STN1: variants seen among roughly 807,000 people sequenced by gnomAD.
STN1 encodes the protein STN1 subunit of CST complex, also known as CST complex subunit STN1.
STN1 carries 29 observed loss-of-function variants against 45.5 expected under a neutral mutation model. The ratio of observed to expected loss-of-function variants is 0.64; its 90% CI spans 0.47 to 0.87. STN1 has a LOEUF of 0.87. STN1 is among the 40% of genes least tolerant of loss of function. The pLI is 0.00. For synonymous variants in STN1, 148 were observed against 159.0 expected (o/e 0.93, Z 0.52); for missense variants, 376 against 441.4 (o/e 0.85, Z 1.33).
intron 7 of STN1, among the ~76,000 whole-genome samples, chr10:103,895,676 T>G (rs1009761247): frequency 6.6e-6 from 1 of 152,130 alleles, no homozygotes; most frequent in Non-Finnish European, 1.5e-5. Flanking sequence ...CCAGAAGAGA[T>G]AATTAGGAGC....
intron 9 of STN1, among the ~76,000 whole-genome samples, chr10:103,883,415 A>C (rs1257739452): frequency 6.7e-6 from 1 of 150,192 alleles, no homozygotes; most frequent in Non-Finnish European, 1.5e-5. Flanking sequence ...CCAAACTAAG[A>C]CCATCTAGTA....
Position 103,897,717 on chromosome 10 carries a change from T to C in STN1, c.584A>G (p.Asn195Ser), listed in dbSNP as rs1228731857. Residue 195 changes from asparagine to serine, a missense_variant and splice_region_variant, in exon 7 of 10, where the codon AAT (asparagine) becomes AGT (serine). Transcript: ENST00000224950. The stretch of plus-strand genomic sequence containing the variant: ...ACTGGGGAGGTCCAGGGCGCCTGGA[T>C]TGCTGCGGAGGGAAAGTTTTAAAGA... ...SALEKEEALS[N>S]PGALDLPSLT... 1.2e-6 allele frequency: 2 copies of C among 1,614,066 alleles called. No homozygotes were observed. The highest frequency in any genetic ancestry group is 1.3e-5 in the African/African-American group (1 of 75,036).
intron 8 of STN1, among the ~76,000 whole-genome samples, chr10:103,891,490 G>A (rs2134360535): frequency 6.6e-6 from 1 of 152,300 alleles, no homozygotes; most frequent in South Asian, 2.1e-4. Flanking sequence ...TCTCTAGTAG[G>A]TGAAGGTCAG....
chr10:103,900,578 A>T (rs1322791333), intron 4 of STN1, among the ~76,000 whole-genome samples: 1 of 152,162 alleles, frequency 6.6e-6, no homozygotes, highest in Non-Finnish European at 1.5e-5. Context: ...TGGGCGTGGC[A>T]GCAATAGCTT....
At position 103,883,571 on chromosome 10, in the gene STN1, C is replaced by T. The variant is rs147227334; in HGVS notation, c.950-730G>A. Among the ~76,000 whole-genome samples, 27 of 152,184 alleles carry T rather than the reference C, an allele frequency of 1.8e-4. No homozygotes were observed. The East Asian group carries it at 2.5e-3, about 14-fold the overall frequency. On this transcript the variant is annotated intron_variant, in intron 9 of 9. Coordinates refer to ENST00000224950, the MANE Select transcript of STN1 (RefSeq NM_024928.5). ...GGCCCAGAGAGACACGACCATGAAA[C>T]GGAAATCACGCCCTACTCCTACATA...
At position 103,889,055 on chromosome 10, in the gene STN1, T is replaced by G; in HGVS notation, c.949+17A>C. ...TTCCAGGGCACCAGGGCATCACTTG[T>G]ACATTATACCACTTACGATTTGGTT... On this transcript the variant is annotated intron_variant, in intron 9 of 9. Coordinates refer to ENST00000224950, the MANE Select transcript of STN1 (RefSeq NM_024928.5). 1.3e-6 allele frequency: 2 copies of G among 1,582,506 alleles called. No individual in the cohort carries two copies. Among genetic ancestry groups the G allele is most frequent in the Non-Finnish European group, 1.7e-6 (2 of 1,151,146 alleles).
In STN1 at chr10:103,899,832, T is replaced by A. The variant is rs1363997182; in HGVS notation, c.457+230A>T. 4 of 467,988 alleles carry A rather than the reference T, an allele frequency of 8.5e-6. No homozygotes were observed. In the South Asian group the frequency reaches 1.4e-4, roughly 16 times the overall value. 29.0% of individuals were successfully genotyped at this position (467,988 alleles called of 1,614,324 possible). A position where few individuals can be genotyped will look rare whatever the true frequency, so the allele number is the denominator to read the frequency against. On this transcript the variant is annotated intron_variant, in intron 5 of 9. Transcript: ENST00000224950. The stretch of plus-strand genomic sequence containing the variant: ...CATCCAAATAAACTTGCCAACCATA[T>A]ATAAAGTAAATAATTCATTTTCTTT...
chr10:103,890,186 G>A (rs1365913573), intron 8 of STN1, among the ~76,000 whole-genome samples: 1 of 152,310 alleles, frequency 6.6e-6, no homozygotes, highest in East Asian at 1.9e-4. Context: ...ATAGCTGTAA[G>A]TTTCCTCCTT....
At chr10:103,908,470 A>C (rs1440226819) in intron 3 of STN1, among the ~76,000 whole-genome samples, 1 of 152,210 alleles carries the variant, frequency 6.6e-6, no homozygotes. Context: ...CACCCCCAGC[A>C]CAGGCCTGCG....
At position 103,882,498 on chromosome 10, in the gene STN1, C is replaced by T. The variant is rs1843075628; in HGVS notation, c.*186G>A. Reference sequence around the variant, plus strand: ...GATCAAAGTCATTGTACACCAAGGACATAGTGGACAGAAGGGAGCCAACAA... The same window carrying T: ...GATCAAAGTCATTGTACACCAAGGATATAGTGGACAGAAGGGAGCCAACAA... On this transcript the variant is annotated 3_prime_UTR_variant, in exon 10 of 10. Transcript: ENST00000224950. 7 of 567,136 alleles carry T rather than the reference C, an allele frequency of 1.2e-5. No homozygotes were observed. The South Asian group carries it at 1.8e-4, about 14-fold the overall frequency. The allele number at this position is 567,136 out of a possible 1,614,324, so 35.1% of individuals were successfully genotyped here.
chr10:103,897,750 AG>A (rs761030509), intron 6 of STN1, 31 bp from the exon 7 acceptor site: 1 of 1,607,692 alleles, frequency 6.2e-7, no homozygotes, highest in African/African-American at 1.3e-5. Flanking sequence ...AGAGCTCTGC[AG>A]AAAACCATCA....
rs1843341295 is a variant in STN1 at position 103,917,450 on chromosome 10, C to T, written c.133+12G>A. On this transcript the variant is annotated intron_variant, in intron 2 of 9. Transcript: ENST00000224950. ...TGCAGCCCAGGGCATCCCAGGGTGG[C>T]TAGCCACATACCTGGCACCTGGCGG... 2.5e-6 allele frequency: 4 copies of T among 1,611,306 alleles called. No homozygotes were observed. Among genetic ancestry groups the T allele is most frequent in the African/African-American group, 2.7e-5 (2 of 74,874 alleles).
Position 103,882,578 on chromosome 10 carries a change from G to A in STN1, c.*106C>T. The A allele has an allele frequency of 3.4e-6, 4 of 1,171,620 alleles. No homozygotes were observed. Among genetic ancestry groups the A allele is most frequent in the Admixed American group, 2.5e-5 (1 of 40,014 alleles). 72.6% of individuals were successfully genotyped at this position (1,171,620 alleles called of 1,614,324 possible). On this transcript the variant is annotated 3_prime_UTR_variant, in exon 10 of 10. Transcript: ENST00000224950. Reference sequence around the variant, plus strand: ...ACTATATTTTATAGTTTATTATGAGGTAACTGCCTCCAGACAGATAAGCCC... The same window carrying A: ...ACTATATTTTATAGTTTATTATGAGATAACTGCCTCCAGACAGATAAGCCC...
chr10:103,890,243 C>T (rs1375418799), intron 8 of STN1, among the ~76,000 whole-genome samples: 1 of 152,174 alleles, frequency 6.6e-6, no homozygotes, highest in Non-Finnish European at 1.5e-5. Context: ...CTGGAGGGGG[C>T]ATCTTGAGAA....
chr10:103,899,502 C>T (rs1843192797), intron 5 of STN1, among the ~76,000 whole-genome samples: 1 of 152,130 alleles, frequency 6.6e-6, no homozygotes, highest in Non-Finnish European at 1.5e-5. Flanking sequence ...TGAGACCAGC[C>T]TGGACAACAT....
chr10:103,917,444 G>C lies in STN1; in HGVS notation c.133+18C>G. 1 of 1,610,286 alleles carries C rather than the reference G, an allele frequency of 6.2e-7. No homozygotes were observed. The highest frequency in any genetic ancestry group is 8.5e-7 in the Non-Finnish European group (1 of 1,177,978). On this transcript the variant is annotated intron_variant, in intron 2 of 9. Coordinates refer to ENST00000224950, the MANE Select transcript of STN1 (RefSeq NM_024928.5). ...GGCAGATGCAGCCCAGGGCATCCCA[G>C]GGTGGCTAGCCACATACCTGGCACC...
chr10:103,905,607 T>C (rs961729274), intron 3 of STN1, among the ~76,000 whole-genome samples: 3 of 152,218 alleles, frequency 2.0e-5, no homozygotes, highest in African/African-American at 7.2e-5. Flanking sequence ...GGGCGCAGCC[T>C]TCTGTCACAG....
intron 3 of STN1, among the ~76,000 whole-genome samples, chr10:103,906,927 T>C (rs1843245213): frequency 6.6e-6 from 1 of 152,230 alleles, no homozygotes. Flanking sequence ...TTTCTAAAAT[T>C]TAAATCTTAA....
chr10:103,917,722 G>A lies in STN1; in HGVS notation c.-62-66C>T. The A allele has an allele frequency of 9.3e-6, 10 of 1,071,770 alleles. No homozygotes were observed. In the South Asian group the frequency reaches 1.1e-4, roughly 12 times the overall value. 66.4% of individuals were successfully genotyped at this position (1,071,770 alleles called of 1,614,324 possible). On this transcript the variant is annotated intron_variant, in intron 1 of 9. Transcript: ENST00000224950. ...TGGGTCAAAGTGGCACGGCCCTGAC[G>A]CTGCTCCCAGGTGGGCGTCCAGGAC...
Sources: gnomAD v4.1 joint callset for allele counts (sites outside exome capture counted in the v4.1 genomes callset) on GRCh38, gnomAD v4.1.1 for gene constraint, MANE v1.5 for transcripts, NCBI Gene and HGNC (gene_info 2026-07-23, HGNC 2026-07-21) for gene names.